The following MORN3 variants were observed in gnomAD, a reference collection of about 807,000 sequenced individuals.
MORN3 encodes the protein MORN repeat-containing protein 3.
A neutral mutation model predicts 34.7 loss-of-function variants in MORN3; 38 were observed. The observed-to-expected ratio is 1.10, with a 90% CI of 0.85 to 1.44. MORN3 has a LOEUF of 1.44. Among genes scored for constraint, MORN3 ranks in the 40% most tolerant of loss-of-function variants. The pLI is 0.00. For synonymous variants in MORN3, 109 were observed against 115.3 expected, an observed-to-expected ratio of 0.95 and a Z score of 0.35; for missense variants, 311 against 321.7, an observed-to-expected ratio of 0.97 and a Z score of 0.25.
chr12:121,665,340 G>C (rs1893716375), intron 1 of MORN3, among the ~76,000 whole-genome samples: 1 of 125,554 alleles, frequency 8.0e-6, no homozygotes, highest in Non-Finnish European at 1.6e-5. Context: ...GCCCAGGCTG[G>C]AGTGCACTGG....
In MORN3 at chr12:121,669,495, C is replaced by G. The variant is rs767289150; in HGVS notation, c.-12G>C. 7.4e-6 allele frequency: 12 copies of G among 1,612,728 alleles called. No individual in the cohort carries two copies. The highest frequency in any genetic ancestry group is 1.7e-6 in the Non-Finnish European group (2 of 1,179,264). On this transcript the variant is annotated 5_prime_UTR_variant, in exon 1 of 6. Coordinates refer to ENST00000355329, the MANE Select transcript of MORN3 (RefSeq NM_173855.5). Reference sequence around the variant, plus strand: ...TTAGAGACTGGCATGGTGGCTGCTTCTGCAAGGCTGGAGGGTGCTGGAAAG... The same window carrying G: ...TTAGAGACTGGCATGGTGGCTGCTTGTGCAAGGCTGGAGGGTGCTGGAAAG...
In MORN3 at chr12:121,651,060, G is replaced by A. The variant is rs1391028113; in HGVS notation, c.*591C>T. On this transcript the variant is annotated 3_prime_UTR_variant, in exon 6 of 6. Coordinates refer to ENST00000355329, the MANE Select transcript of MORN3 (RefSeq NM_173855.5). ...GGCAGGATACAGGCCTTCTCTCTGG[G>A]TCATCTGGGTTATCTCACAGGGGAC... 3 of 152,082 alleles carry A rather than the reference G, an allele frequency of 2.0e-5. No individual in the cohort carries two copies. The East Asian group carries it at 5.8e-4, about 29-fold the overall frequency. The allele number at this position is 152,082 out of a possible 1,614,324, so 9.4% of individuals were successfully genotyped here.
In MORN3 at chr12:121,650,548, A is replaced by AT. The variant is rs1893229286; in HGVS notation, c.*1102_*1103insA. The stretch of plus-strand genomic sequence containing the variant: ...TCAAAAAAAAAAAAAAAAAAAAAAA[A>AT]AAGGCCAGGCTCGATGGCTCACACC... On this transcript the variant is annotated 3_prime_UTR_variant, in exon 6 of 6. Coordinates refer to ENST00000355329, the MANE Select transcript of MORN3 (RefSeq NM_173855.5). The AT allele has an allele frequency of 7.2e-6, 1 of 139,692 alleles. No homozygotes were observed. The highest frequency in any genetic ancestry group is 1.5e-5 in the Non-Finnish European group (1 of 65,670). 8.7% of individuals were successfully genotyped at this position (139,692 alleles called of 1,614,324 possible).
At chr12:121,655,283 G>A (rs141464830) in intron 2 of MORN3, among the ~76,000 whole-genome samples, 5 of 152,060 alleles carry the variant, frequency 3.3e-5, no homozygotes, top group African/African-American at 1.2e-4. Flanking sequence ...GGGAGATGGA[G>A]GTTGCAGTGA....
At chr12:121,659,469 G>A in intron 1 of MORN3, 121 bp from the exon 2 acceptor site, 1 of 924,832 alleles carries the variant, frequency 1.1e-6, no homozygotes, top group Non-Finnish European at 1.7e-6. Flanking sequence ...CAGGCTCTGC[G>A]CATCATCCTA....
chr12:121,668,540 T>A (rs1458128757), intron 1 of MORN3, among the ~76,000 whole-genome samples: 1 of 151,918 alleles, frequency 6.6e-6, no homozygotes, highest in East Asian at 2.0e-4. Context: ...AAACTCCGTC[T>A]AAAAAAATAA....
rs1450858015 is a variant in MORN3, at chr12:121,650,842, A to T, written c.*809T>A. 3 of 152,036 alleles carry T rather than the reference A, an allele frequency of 2.0e-5. No homozygotes were observed. The highest frequency in any genetic ancestry group is 7.2e-5 in the African/African-American group (3 of 41,412). 9.4% of individuals were successfully genotyped at this position (152,036 alleles called of 1,614,324 possible). A position where few individuals can be genotyped will look rare whatever the true frequency, so the allele number is the denominator to read the frequency against. On this transcript the variant is annotated 3_prime_UTR_variant, in exon 6 of 6. Transcript: ENST00000355329. ...GGAGACTACGTCTTAAAAAAAAAAA[A>T]TCACCTGGGGAATTTTCTGAAAGCT...
chr12:121,656,686 T>G (rs1893427781), intron 2 of MORN3, among the ~76,000 whole-genome samples: 1 of 151,986 alleles, frequency 6.6e-6, no homozygotes, highest in Admixed American at 6.6e-5. Flanking sequence ...TAATTTTTTT[T>G]GTGTTTTTTA....
At chr12:121,665,891 G>A (rs1182950456) in intron 1 of MORN3, among the ~76,000 whole-genome samples, 1 of 151,936 alleles carries the variant, frequency 6.6e-6, no homozygotes, top group African/African-American at 2.4e-5. Context: ...GCAGTGCAGT[G>A]ATGCTGGTTG....
At chr12:121,669,834 T>TATATATATATATATA (rs1566488482), upstream of MORN3, among the ~76,000 whole-genome samples, 14 of 92,264 alleles carry the variant, frequency 1.5e-4, no homozygotes, top group South Asian at 5.6e-4. Flanking sequence ...ATATATATAT[T>TATATATATATATATA]TTTTTTTTTA....
Position 121,649,330 on chromosome 12 carries a change from G to A in MORN3, c.*2321C>T, listed in dbSNP as rs1190998380. 6.6e-6 allele frequency: 1 copy of A among 152,198 alleles called. No homozygotes were observed. The highest frequency in any genetic ancestry group is 2.4e-5 in the African/African-American group (1 of 41,434). The allele number at this position is 152,198 out of a possible 1,614,324, so 9.4% of individuals were successfully genotyped here. A position where few individuals can be genotyped will look rare whatever the true frequency, so the allele number is the denominator to read the frequency against. ...AGACCTAAGTTTAAGCACAGTACTA[G>A]CTTGATGACTTGTGATCCTCCCTGA... On this transcript the variant is annotated 3_prime_UTR_variant, in exon 6 of 6. Transcript: ENST00000355329.
Position 121,669,195 on chromosome 12 carries a change from G to T in MORN3, c.145+144C>A, listed in dbSNP as rs1201420096. On this transcript the variant is annotated intron_variant, in intron 1 of 5. Coordinates refer to ENST00000355329, the MANE Select transcript of MORN3 (RefSeq NM_173855.5). ...AAGCCCCAGCATGTGAAGGCCCCCAGCTGGCCTGGGCCAGCGCTCACCCTG... is the reference window on the plus strand; with the variant it reads ...AAGCCCCAGCATGTGAAGGCCCCCATCTGGCCTGGGCCAGCGCTCACCCTG... 5 of 1,049,602 alleles carry T rather than the reference G, an allele frequency of 4.8e-6. No homozygotes were observed. The Admixed American group carries it at 9.8e-5, about 21-fold the overall frequency. 65.0% of individuals were successfully genotyped at this position (1,049,602 alleles called of 1,614,324 possible).
intron 1 of MORN3, among the ~76,000 whole-genome samples, chr12:121,660,239 C>A (rs1353391824): frequency 6.7e-6 from 1 of 148,200 alleles, no homozygotes; most frequent in Non-Finnish European, 1.5e-5. Context: ...GCCTGGGAGA[C>A]GAGCGAAACT....
intron 1 of MORN3, among the ~76,000 whole-genome samples, chr12:121,662,248 CT>C (rs1354370334): frequency 1.3e-5 from 2 of 152,014 alleles, no homozygotes; most frequent in Non-Finnish European, 2.9e-5. Flanking sequence ...AGGTAAATCA[CT>C]TGAGGCTAGA....
chr12:121,654,287 G>A lies in MORN3; in HGVS notation c.450C>T (p.Gly150=). Reference sequence around the variant, plus strand: ...TGGGGCACTCACTCAGGCGCAGCATGCCCTCCCCGTTGGGCTTGTCGTTCT... The same window carrying A: ...TGGGGCACTCACTCAGGCGCAGCATACCCTCCCCGTTGGGCTTGTCGTTCT... ...QWENDKPNGE[G]MLRLKNGNRY... Residue 150 remains glycine (G), a synonymous_variant, in exon 3 of 6, where the codon GGC becomes GGT. Transcript: ENST00000355329. 1.3e-6 allele frequency: 2 copies of A among 1,584,566 alleles called. No homozygotes were observed. Among genetic ancestry groups the A allele is most frequent in the Non-Finnish European group, 1.7e-6 (2 of 1,166,882 alleles).
In MORN3 at chr12:121,654,326, G is replaced by A. The variant is rs782625580; in HGVS notation, c.411C>T (p.Tyr137=). 7 of 1,602,830 alleles carry A rather than the reference G, an allele frequency of 4.4e-6. No homozygotes were observed. In the South Asian group the frequency reaches 4.5e-5, roughly 10 times the overall value. The change falls in exon 3 of 6, where the codon TAC becomes TAT. Residue 137 remains tyrosine, a synonymous_variant. Coordinates refer to ENST00000355329, the MANE Select transcript of MORN3 (RefSeq NM_173855.5). ...GRMYYSNGDI[Y]EGQWENDKPN... ...GCTTGTCGTTCTCCCACTGTCCCTC[G>A]TAGATGTCGCCGTTGCTGTAATACA... is the stretch of plus-strand genomic sequence containing the variant.
chr12:121,656,633 G>A (rs147576360), intron 2 of MORN3, among the ~76,000 whole-genome samples: 120 of 151,980 alleles, frequency 7.9e-4, no homozygotes, highest in Non-Finnish European at 1.6e-3. Flanking sequence ...TAATGTCTCC[G>A]TCTCCCTAGC....
At chr12:121,670,939 T>C (rs372617242), upstream of MORN3, among the ~76,000 whole-genome samples, 26 of 149,390 alleles carry the variant, frequency 1.7e-4, no homozygotes, top group East Asian at 2.6e-3. Flanking sequence ...GGCGAAACCC[T>C]GTCTGTACTA....
chr12:121,661,615 G>A (rs895448695), intron 1 of MORN3, among the ~76,000 whole-genome samples: 2 of 152,014 alleles, frequency 1.3e-5, no homozygotes, highest in Non-Finnish European at 2.9e-5. Flanking sequence ...AGTGGCTCAC[G>A]CCTGTAACCC....
Sources: gnomAD v4.1 joint callset for allele counts (sites outside exome capture counted in the v4.1 genomes callset) on GRCh38, gnomAD v4.1.1 for gene constraint, MANE v1.5 for transcripts, NCBI Gene and HGNC (gene_info 2026-07-23, HGNC 2026-07-21) for gene names.